Variants in PPARGC1A observed in about 807,000 individuals in gnomAD.
PPARGC1A encodes peroxisome proliferator-activated receptor gamma coactivator 1-alpha.
Under a neutral mutation model 88.7 loss-of-function variants are expected in PPARGC1A, and 25 were observed. The observed-to-expected ratio is 0.28, with a 90% CI of 0.21 to 0.39. The LOEUF is 0.39. PPARGC1A is among the 10% of genes least tolerant of loss of function. The pLI, the probability that PPARGC1A is intolerant of heterozygous loss-of-function variation, is 1.00. For missense variants in PPARGC1A, 880 were observed against 968.7 expected, an observed-to-expected ratio of 0.91 and a Z score of 1.22; for synonymous variants, 363 against 355.6, an observed-to-expected ratio of 1.02 and a Z score of -0.24.
the PPARGC1A span, among the ~76,000 whole-genome samples, chr4:24,047,593 T>C: frequency 6.6e-6 from 1 of 152,130 alleles, no homozygotes; most frequent in African/African-American, 2.4e-5. Context: ...GTGTGTAAAG[T>C]GAGGCAGGAT....
At chr4:24,071,741 C>A in the PPARGC1A span, among the ~76,000 whole-genome samples, 1 of 152,132 alleles carries the variant, frequency 6.6e-6, no homozygotes, top group Non-Finnish European at 1.5e-5. Flanking sequence ...GAAAGGGCAT[C>A]AGACCCAAGT....
At chr4:23,864,863 A>G (rs925673688) in intron 2 of PPARGC1A, among the ~76,000 whole-genome samples, 11 of 152,172 alleles carry the variant, frequency 7.2e-5, no homozygotes, top group Non-Finnish European at 1.5e-4. Flanking sequence ...GGCAGTTGCA[A>G]TTGCAACCAG....
chr4:23,940,324 T>A, the PPARGC1A span, among the ~76,000 whole-genome samples: 2 of 152,126 alleles, frequency 1.3e-5, no homozygotes. Flanking sequence ...AGACGCTACA[T>A]GGAACGCAGA....
chr4:23,893,527 G>A (rs1379760013), upstream of PPARGC1A, among the ~76,000 whole-genome samples: 4 of 152,238 alleles, frequency 2.6e-5, no homozygotes, highest in African/African-American at 9.6e-5. Flanking sequence ...CCAGACTGCT[G>A]CTTCTTTCAG....
intron 2 of PPARGC1A, chr4:23,882,916 T>C (rs924109435): frequency 6.6e-6 from 1 of 152,092 alleles, no homozygotes; most frequent in African/African-American, 2.4e-5. Context: ...AGGCATTGAC[T>C]CCTATGCCAT....
the PPARGC1A span, among the ~76,000 whole-genome samples, chr4:24,002,604 C>T: frequency 4.4e-5 from 6 of 136,414 alleles, no homozygotes; most frequent in Admixed American, 1.4e-4. Context: ...GTGCATGCTG[C>T]TTTTTTTTTT....
the PPARGC1A span, among the ~76,000 whole-genome samples, chr4:23,919,079 C>T: frequency 6.6e-6 from 1 of 152,186 alleles, no homozygotes; most frequent in African/African-American, 2.4e-5. Context: ...CAAGCCTCAC[C>T]CTTCTCTAAT....
chr4:24,098,922 A>T, the PPARGC1A span, among the ~76,000 whole-genome samples: 1 of 152,226 alleles, frequency 6.6e-6, no homozygotes, highest in Non-Finnish European at 1.5e-5. Context: ...AGAATCAAAT[A>T]TAAGTCCAAC....
chr4:24,166,949 G>C, the PPARGC1A span, among the ~76,000 whole-genome samples: 3 of 152,144 alleles, frequency 2.0e-5, no homozygotes, highest in African/African-American at 7.2e-5. Context: ...ATGGATCAAG[G>C]AGTAATTTCA....
At chr4:24,205,114 C>T in the PPARGC1A span, among the ~76,000 whole-genome samples, 1 of 152,168 alleles carries the variant, frequency 6.6e-6, no homozygotes, top group Non-Finnish European at 1.5e-5. Context: ...CATGAGCCTC[C>T]GCACCCAGCC....
the PPARGC1A span, among the ~76,000 whole-genome samples, chr4:24,142,061 A>G: frequency 6.6e-6 from 1 of 152,228 alleles, no homozygotes; most frequent in Non-Finnish European, 1.5e-5. Context: ...GAGAGTCAGC[A>G]TGTAGTGCCA....
the PPARGC1A span, among the ~76,000 whole-genome samples, chr4:24,430,681 A>G: frequency 6.6e-6 from 1 of 152,112 alleles, no homozygotes; most frequent in Non-Finnish European, 1.5e-5. Flanking sequence ...AAGTGACAAA[A>G]TCAGGTATAT....
the PPARGC1A span, among the ~76,000 whole-genome samples, chr4:24,052,518 T>C: frequency 6.6e-6 from 1 of 151,640 alleles, no homozygotes; most frequent in South Asian, 2.1e-4. Flanking sequence ...ACACCTGTAA[T>C]CCCAGCTACT....
chr4:23,812,888 A>G (rs1357916556), intron 9 of PPARGC1A, 21 bp from the exon 10 acceptor site: 4 of 1,613,966 alleles, frequency 2.5e-6, no homozygotes, highest in East Asian at 4.5e-5. Context: ...TAACTTTATC[A>G]CTAAGTCAAC....
the PPARGC1A span, among the ~76,000 whole-genome samples, chr4:24,043,744 T>C: frequency 3.9e-5 from 6 of 152,212 alleles, no homozygotes; most frequent in Admixed American, 6.5e-5. Context: ...ACTAAGAGGA[T>C]TGTATATACA....
the PPARGC1A span, among the ~76,000 whole-genome samples, chr4:24,413,440 A>T: frequency 1.3e-5 from 2 of 152,352 alleles, no homozygotes; most frequent in African/African-American, 4.8e-5. Flanking sequence ...TGCCAGGAAC[A>T]CAGTGGCCAG....
At chr4:24,463,569 G>T in the PPARGC1A span, among the ~76,000 whole-genome samples, 1 of 152,214 alleles carries the variant, frequency 6.6e-6, no homozygotes, top group Non-Finnish European at 1.5e-5. Flanking sequence ...TGACACATGT[G>T]TTGGTATAAA....
chr4:24,011,362 C>G, the PPARGC1A span, among the ~76,000 whole-genome samples: 1 of 152,104 alleles, frequency 6.6e-6, no homozygotes. Context: ...AGACTCACTG[C>G]ACAAGCACTC....
the PPARGC1A span, among the ~76,000 whole-genome samples, chr4:24,048,386 G>A: frequency 6.6e-6 from 1 of 152,068 alleles, no homozygotes; most frequent in Middle Eastern, 3.2e-3. Context: ...CCACTCTTTT[G>A]TCAATACTTT....
Sources: gnomAD v4.1 joint callset for allele counts (sites outside exome capture counted in the v4.1 genomes callset) on GRCh38, gnomAD v4.1.1 for gene constraint, MANE v1.5 for transcripts, NCBI Gene and HGNC (gene_info 2026-07-23, HGNC 2026-07-21) for gene names.